The following KDM4C variants were observed in gnomAD, a reference collection of about 807,000 sequenced individuals.
The protein encoded by KDM4C is lysine demethylase 4C, also known as lysine-specific demethylase 4C.
KDM4C carries 81 observed loss-of-function variants against 129.3 expected under a neutral mutation model. The ratio of observed to expected loss-of-function variants is 0.63; its 90% CI spans 0.52 to 0.75. The LOEUF is 0.75. Ranked by LOEUF, KDM4C falls within the 30% of genes least tolerant of loss-of-function variation. The pLI, the probability that KDM4C is intolerant of heterozygous loss-of-function variation, is 0.00. For synonymous variants in KDM4C, 573 were observed against 456.1 expected (o/e 1.26, Z -3.26); for missense variants, 1,457 against 1,304.0 (o/e 1.12, Z -1.81).
intron 1 of KDM4C, among the ~76,000 whole-genome samples, chr9:6,775,627 A>T (rs1380325575): frequency 6.6e-6 from 1 of 151,848 alleles, no homozygotes; most frequent in Admixed American, 6.6e-5. Context: ...GGTTCAAGCA[A>T]TTCTTCTGCC....
chr9:6,827,995 T>C (rs955379451), intron 4 of KDM4C, among the ~76,000 whole-genome samples: 1 of 152,146 alleles, frequency 6.6e-6, no homozygotes, highest in African/African-American at 2.4e-5. Flanking sequence ...GAAGCTGTGT[T>C]TTCAGAGGGG....
upstream of KDM4C, among the ~76,000 whole-genome samples, chr9:6,753,982 C>T (rs1170752197): frequency 1.4e-5 from 2 of 143,448 alleles, no homozygotes; most frequent in African/African-American, 2.6e-5. Context: ...TCATGCCATT[C>T]TCCTGCCTCA....
chr9:6,956,211 ATAACT>A (rs982420071), intron 8 of KDM4C, among the ~76,000 whole-genome samples: 14 of 152,350 alleles, frequency 9.2e-5, no homozygotes, highest in Non-Finnish European at 1.5e-4. Flanking sequence ...ATAGTCGATA[ATAACT>A]TAATTGTACA....
At chr9:6,741,820 G>C (rs1310870477) in intron 1 of KDM4C, among the ~76,000 whole-genome samples, 2 of 150,160 alleles carry the variant, frequency 1.3e-5, no homozygotes, top group African/African-American at 4.9e-5. Flanking sequence ...CACCTGCCTT[G>C]GTCTCCCAAA....
intron 17 of KDM4C, among the ~76,000 whole-genome samples, chr9:7,073,411 A>T (rs1017444442): frequency 3.9e-5 from 6 of 152,212 alleles, no homozygotes; most frequent in Non-Finnish European, 5.9e-5. Context: ...TGTTATATAG[A>T]TAATAGTTGA....
At chr9:7,084,219 C>G (rs1382169650) in intron 17 of KDM4C, among the ~76,000 whole-genome samples, 1 of 152,150 alleles carries the variant, frequency 6.6e-6, no homozygotes, top group Non-Finnish European at 1.5e-5. Flanking sequence ...CTTTCGGAGC[C>G]ACTACATGGT....
chr9:7,117,626 TACAC>T (rs71315578), intron 18 of KDM4C, among the ~76,000 whole-genome samples: 19,767 of 146,784 alleles, frequency 0.13, 1,529 homozygotes, highest in East Asian at 0.26. Flanking sequence ...TGTTAATTTC[TACAC>T]ACACACACAC....
chr9:6,963,141 A>G (rs1423958685), intron 8 of KDM4C, among the ~76,000 whole-genome samples: 1 of 152,192 alleles, frequency 6.6e-6, no homozygotes, highest in Non-Finnish European at 1.5e-5. Context: ...CTGAGGATTG[A>G]GTTGTTAAAT....
At chr9:7,133,997 T>C (rs1840920858) in intron 19 of KDM4C, among the ~76,000 whole-genome samples, 1 of 152,198 alleles carries the variant, frequency 6.6e-6, no homozygotes, top group South Asian at 2.1e-4. Flanking sequence ...TCACCTCAGC[T>C]TTGGAAGCCC....
intron 17 of KDM4C, among the ~76,000 whole-genome samples, chr9:7,060,454 G>GTTATTA (rs147100950): frequency 0.014 from 1,744 of 127,484 alleles, 23 homozygotes; most frequent in East Asian, 0.057. Flanking sequence ...CAGTATTGTT[G>GTTATTA]TTATTATTAT....
At chr9:7,131,164 C>G (rs1198856854) in intron 19 of KDM4C, among the ~76,000 whole-genome samples, 2 of 152,090 alleles carry the variant, frequency 1.3e-5, no homozygotes, top group African/African-American at 2.4e-5. Flanking sequence ...TTTGTGCTCC[C>G]CACTGCAATA....
chr9:6,919,861 C>G (rs983198133), intron 8 of KDM4C, among the ~76,000 whole-genome samples: 1 of 152,086 alleles, frequency 6.6e-6, no homozygotes. Context: ...AGGTGTGAGC[C>G]ACTGCACCTG....
At chr9:6,770,881 T>G (rs1250718639) in intron 1 of KDM4C, among the ~76,000 whole-genome samples, 2 of 150,858 alleles carry the variant, frequency 1.3e-5, no homozygotes, top group East Asian at 3.9e-4. Flanking sequence ...GTTCAAGTGA[T>G]TCTTCTGCCT....
intron 3 of KDM4C, among the ~76,000 whole-genome samples, chr9:6,814,226 T>G (rs1177137439): frequency 6.6e-6 from 1 of 152,208 alleles, no homozygotes; most frequent in East Asian, 1.9e-4. Flanking sequence ...TTAACTTTAC[T>G]TTCTTGGATT....
At chr9:6,883,366 C>T (rs1402666566) in intron 6 of KDM4C, among the ~76,000 whole-genome samples, 1 of 152,192 alleles carries the variant, frequency 6.6e-6, no homozygotes, top group Non-Finnish European at 1.5e-5. Flanking sequence ...TATCCTCTGC[C>T]TTCATGCCTA....
intron 21 of KDM4C, among the ~76,000 whole-genome samples, chr9:7,171,406 A>C (rs1456005794): frequency 6.6e-6 from 1 of 152,180 alleles, no homozygotes; most frequent in Non-Finnish European, 1.5e-5. Flanking sequence ...TTCCTTTTCG[A>C]GATGTTAGAG....
intron 1 of KDM4C, among the ~76,000 whole-genome samples, chr9:6,777,452 G>A (rs559278786): frequency 6.6e-6 from 1 of 152,290 alleles, no homozygotes; most frequent in South Asian, 2.1e-4. Flanking sequence ...GCACATCTCC[G>A]GGGCTGTGGG....
At chr9:6,853,764 A>G (rs1239282055) in intron 5 of KDM4C, among the ~76,000 whole-genome samples, 1 of 152,106 alleles carries the variant, frequency 6.6e-6, no homozygotes, top group East Asian at 1.9e-4. Context: ...GTAAAGTATT[A>G]TTTTCTTGGA....
intron 2 of KDM4C, among the ~76,000 whole-genome samples, chr9:6,801,246 T>TG (rs1828898698): frequency 1.6e-5 from 1 of 63,762 alleles, no homozygotes; most frequent in Non-Finnish European, 2.9e-5. Context: ...GAAATTTTTT[T>TG]TTTTTTTTTT....
Sources: gnomAD v4.1 joint callset for allele counts (sites outside exome capture counted in the v4.1 genomes callset) on GRCh38, gnomAD v4.1.1 for gene constraint, MANE v1.5 for transcripts, NCBI Gene and HGNC (gene_info 2026-07-23, HGNC 2026-07-21) for gene names.